Variants in CADM2 observed in about 807,000 individuals in gnomAD.
The protein encoded by CADM2 is immunoglobulin superfamily member 4D.
In CADM2, 12 loss-of-function variants were observed where a neutral mutation model predicts 49.8. That is an observed-to-expected ratio of 0.24 (90% CI 0.15 to 0.39). CADM2 has a LOEUF of 0.39. Ranked by LOEUF, CADM2 falls within the 10% of genes least tolerant of loss-of-function variation. The pLI, the probability that CADM2 is intolerant of heterozygous loss-of-function variation, is 1.00. For synonymous variants in CADM2, 214 were observed against 175.4 expected (o/e 1.22, Z -1.74); for missense variants, 378 against 492.3 (o/e 0.77, Z 2.20).
At chr3:85,266,520 A>C (rs1044764639) in intron 1 of CADM2, among the ~76,000 whole-genome samples, 1 of 151,568 alleles carries the variant, frequency 6.6e-6, no homozygotes, top group Admixed American at 6.6e-5. Context: ...CCAGGGCAAT[A>C]CCAGATTAAT....
intron 1 of CADM2, among the ~76,000 whole-genome samples, chr3:85,602,564 A>G (rs989436003): frequency 3.3e-5 from 5 of 151,728 alleles, no homozygotes; most frequent in Non-Finnish European, 7.4e-5. Flanking sequence ...ATTGAAGACC[A>G]AAAAGGCCCT....
At chr3:85,150,135 A>G (rs139847256) in intron 1 of CADM2, among the ~76,000 whole-genome samples, 1 of 152,336 alleles carries the variant, frequency 6.6e-6, no homozygotes, top group Non-Finnish European at 1.5e-5. Flanking sequence ...TTTGAGAGTT[A>G]TATTTGAATT....
intron 2 of CADM2, among the ~76,000 whole-genome samples, chr3:85,735,617 G>T (rs937228477): frequency 6.6e-6 from 1 of 152,132 alleles, no homozygotes; most frequent in Non-Finnish European, 1.5e-5. Flanking sequence ...GCTTTTCCAA[G>T]AATCCAGTGG....
chr3:85,974,738 C>T (rs557221859), intron 8 of CADM2, among the ~76,000 whole-genome samples: 4 of 151,632 alleles, frequency 2.6e-5, no homozygotes, highest in Non-Finnish European at 5.9e-5. Flanking sequence ...GGCAACCCAG[C>T]GTTCACTCAC....
intron 1 of CADM2, among the ~76,000 whole-genome samples, chr3:85,493,462 C>T (rs186207462): frequency 3.5e-4 from 54 of 152,150 alleles, no homozygotes; most frequent in Admixed American, 1.9e-3. Context: ...TTTTTTCTTA[C>T]GTGATTTTAT....
intron 1 of CADM2, among the ~76,000 whole-genome samples, chr3:85,199,886 G>A (rs1157624042): frequency 6.6e-6 from 1 of 151,976 alleles, no homozygotes; most frequent in East Asian, 1.9e-4. Flanking sequence ...TTGTACAGAG[G>A]TGATTTTTTA....
At chr3:85,568,461 TTCTCTTTCTCTC>T (rs779484522) in intron 1 of CADM2, among the ~76,000 whole-genome samples, 1,378 of 15,116 alleles carry the variant, frequency 0.091, 126 homozygotes, top group South Asian at 0.17. Flanking sequence ...CTTTCTTTCT[TTCTCTTTCTCTC>T]TCTTTCTTTC....
chr3:85,327,390 G>A (rs1170113023), intron 1 of CADM2, among the ~76,000 whole-genome samples: 2 of 151,714 alleles, frequency 1.3e-5, no homozygotes, highest in Non-Finnish European at 2.9e-5. Flanking sequence ...TGAGTAACTG[G>A]GATTACAGGT....
At chr3:85,619,232 C>T (rs1003943549) in intron 1 of CADM2, among the ~76,000 whole-genome samples, 1 of 151,684 alleles carries the variant, frequency 6.6e-6, no homozygotes, top group Non-Finnish European at 1.5e-5. Context: ...TTTCAGGCAG[C>T]GTGTTTCTTT....
At chr3:85,880,755 G>A (rs1383622782) in intron 3 of CADM2, among the ~76,000 whole-genome samples, 1 of 152,160 alleles carries the variant, frequency 6.6e-6, no homozygotes, top group Non-Finnish European at 1.5e-5. Flanking sequence ...TCACAGTAGA[G>A]TTCACTCTCC....
intron 1 of CADM2, among the ~76,000 whole-genome samples, chr3:85,162,939 T>C (rs1281414029): frequency 6.6e-6 from 1 of 151,788 alleles, no homozygotes; most frequent in Non-Finnish European, 1.5e-5. Flanking sequence ...TTGAAGAAAA[T>C]AGACATATAT....
At chr3:85,914,465 T>G (rs945828826) in intron 6 of CADM2, among the ~76,000 whole-genome samples, 1 of 152,148 alleles carries the variant, frequency 6.6e-6, no homozygotes, top group African/African-American at 2.4e-5. Flanking sequence ...TATAAAAAAT[T>G]GTGTAACAAT....
At chr3:85,068,917 G>A (rs1559644229) in intron 1 of CADM2, among the ~76,000 whole-genome samples, 1 of 151,984 alleles carries the variant, frequency 6.6e-6, no homozygotes, top group African/African-American at 2.4e-5. Flanking sequence ...ATGTAAGCTG[G>A]ACTGAAGCCA....
intron 1 of CADM2, among the ~76,000 whole-genome samples, chr3:85,621,463 A>G (rs1424319107): frequency 6.6e-6 from 1 of 152,164 alleles, no homozygotes; most frequent in African/African-American, 2.4e-5. Context: ...ACTAACTTTG[A>G]AAATTTGAAT....
At chr3:85,849,668 A>C (rs1648450079) in intron 3 of CADM2, among the ~76,000 whole-genome samples, 1 of 152,202 alleles carries the variant, frequency 6.6e-6, no homozygotes, top group South Asian at 2.1e-4. Flanking sequence ...TATATAAGCC[A>C]CGCCTGGTGT....
chr3:85,134,140 G>A (rs1050539632), intron 1 of CADM2, among the ~76,000 whole-genome samples: 1 of 152,208 alleles, frequency 6.6e-6, no homozygotes, highest in African/African-American at 2.4e-5. Context: ...CCGCAGGGCC[G>A]GCCGGCTGCT....
At chr3:85,466,184 T>C (rs1191901027) in intron 1 of CADM2, among the ~76,000 whole-genome samples, 2 of 152,218 alleles carry the variant, frequency 1.3e-5, no homozygotes, top group Non-Finnish European at 2.9e-5. Context: ...AGTTTTCTTC[T>C]GATTATGTTA....
chr3:85,608,299 A>C (rs1018099389), intron 1 of CADM2, among the ~76,000 whole-genome samples: 5 of 152,172 alleles, frequency 3.3e-5, no homozygotes, highest in Non-Finnish European at 7.4e-5. Flanking sequence ...ATATTCTCTT[A>C]AATAGGGCCA....
chr3:85,416,446 G>T (rs1259909238), intron 1 of CADM2, among the ~76,000 whole-genome samples: 1 of 152,124 alleles, frequency 6.6e-6, no homozygotes, highest in African/African-American at 2.4e-5. Flanking sequence ...ATTTTCAAGG[G>T]ATATTAGAAA....
Sources: gnomAD v4.1 joint callset for allele counts (sites outside exome capture counted in the v4.1 genomes callset) on GRCh38, gnomAD v4.1.1 for gene constraint, MANE v1.5 for transcripts, NCBI Gene and HGNC (gene_info 2026-07-23, HGNC 2026-07-21) for gene names.